Variants in SRRM4 observed in about 807,000 individuals in gnomAD.
The protein encoded by SRRM4 is serine/arginine repetitive matrix 4.
A neutral mutation model predicts 68.9 loss-of-function variants in SRRM4; 33 were observed. The ratio of observed to expected loss-of-function variants is 0.48; its 90% CI spans 0.36 to 0.64. The LOEUF (loss-of-function observed/expected upper bound fraction) is 0.64. Among genes scored for constraint, SRRM4 ranks in the 30% least tolerant of loss-of-function variants. The probability of loss-of-function intolerance (pLI) is 0.00; values close to 1 mark genes in which losing one functional copy is unlikely to be tolerated. For missense variants in SRRM4, 817 were observed against 827.1 expected (o/e 0.99, Z 0.15); for synonymous variants, 318 against 318.8 (o/e 1.00, Z 0.03).
intron 1 of SRRM4, among the ~76,000 whole-genome samples, chr12:118,987,588 C>A (rs531213420): frequency 2.6e-5 from 4 of 152,184 alleles, no homozygotes; most frequent in Admixed American, 2.6e-4. Context: ...ACTTGGCAAG[C>A]AGCTTGACCT....
intron 6 of SRRM4, among the ~76,000 whole-genome samples, chr12:119,124,978 T>C (rs1954247513): frequency 1.3e-5 from 2 of 152,228 alleles, no homozygotes; most frequent in African/African-American, 4.8e-5. Flanking sequence ...CCGGTTGATA[T>C]TATGTTAGTG....
At chr12:119,130,160 GATGA>G (rs1954286592) in intron 7 of SRRM4, among the ~76,000 whole-genome samples, 1 of 151,476 alleles carries the variant, frequency 6.6e-6, no homozygotes, top group Non-Finnish European at 1.5e-5. Context: ...TGGATGGATA[GATGA>G]ATGAATGGTT....
Position 119,161,190 on chromosome 12 carries a change from T to C in SRRM4, c.*4392T>C, listed in dbSNP as rs1008295143. 1 of 152,236 alleles carries C rather than the reference T, an allele frequency of 6.6e-6. No individual in the cohort carries two copies. The highest frequency in any genetic ancestry group is 2.4e-5 in the African/African-American group (1 of 41,466). The allele number at this position is 152,236 out of a possible 1,614,324, so 9.4% of individuals were successfully genotyped here. A position where few individuals can be genotyped will look rare whatever the true frequency, so the allele number is the denominator to read the frequency against. On this transcript the variant is annotated 3_prime_UTR_variant, in exon 13 of 13. Transcript: ENST00000267260. The stretch of plus-strand genomic sequence containing the variant: ...CTTTTCCCCTCTTCTTTTTCACAAA[T>C]GTTCAAAATGGTCTCATGCGCATGT...
chr12:119,125,280 A>G, intron 6 of SRRM4, 101 bp from the exon 7 acceptor site: 1 of 1,048,702 alleles, frequency 9.5e-7, no homozygotes, highest in Non-Finnish European at 1.4e-6. Flanking sequence ...GATGGTGACC[A>G]GTGCAAAGGA....
At chr12:119,050,998 G>A (rs989103168) in intron 1 of SRRM4, among the ~76,000 whole-genome samples, 4 of 152,128 alleles carry the variant, frequency 2.6e-5, no homozygotes, top group African/African-American at 4.8e-5. Context: ...TCATAGAAAG[G>A]TTGCAGAGCC....
intron 1 of SRRM4, among the ~76,000 whole-genome samples, chr12:119,034,725 G>A (rs1594036671): frequency 1.3e-5 from 2 of 152,052 alleles, no homozygotes; most frequent in African/African-American, 2.4e-5. Flanking sequence ...CCTGCAAAAC[G>A]CCCTCTCTGA....
At chr12:119,032,913 G>C (rs993847010) in intron 1 of SRRM4, among the ~76,000 whole-genome samples, 6 of 152,034 alleles carry the variant, frequency 3.9e-5, no homozygotes, top group Non-Finnish European at 8.8e-5. Context: ...AAATTTATCA[G>C]CTAAAAGTTA....
chr12:118,985,358 G>A (rs1953275205), intron 1 of SRRM4, among the ~76,000 whole-genome samples: 1 of 152,194 alleles, frequency 6.6e-6, no homozygotes, highest in South Asian at 2.1e-4. Context: ...CTGTTGGTTT[G>A]TATAGAGAAG....
intron 1 of SRRM4, among the ~76,000 whole-genome samples, chr12:119,010,408 G>A (rs1206014573): frequency 6.6e-6 from 1 of 152,226 alleles, no homozygotes; most frequent in Non-Finnish European, 1.5e-5. Context: ...TTAAGTGGTT[G>A]AAGATGAAAA....
Position 119,156,803 on chromosome 12 carries a change from C to T in SRRM4, c.*5C>T. The T allele has an allele frequency of 6.6e-7, 1 of 1,518,600 alleles. No individual in the cohort carries two copies. 94.1% of individuals were successfully genotyped at this position (1,518,600 alleles called of 1,614,324 possible). On this transcript the variant is annotated 3_prime_UTR_variant, in exon 13 of 13. Transcript: ENST00000267260. ...TACTCCAGCACGAGGCGCTAAGTGC[C>T]CCTGAGCCAGCTGCCCGTGGGGGCC... is the stretch of plus-strand genomic sequence containing the variant.
chr12:119,102,526 C>T (rs1307667244), intron 2 of SRRM4, 144 bp downstream of exon 2: 1 of 679,974 alleles, frequency 1.5e-6, no homozygotes, highest in East Asian at 2.8e-5. Context: ...AGGAACAAAT[C>T]AGAAATATTT....
intron 1 of SRRM4, among the ~76,000 whole-genome samples, chr12:119,085,375 G>A (rs1191004746): frequency 1.3e-5 from 2 of 152,204 alleles, no homozygotes; most frequent in East Asian, 3.8e-4. Flanking sequence ...ATTGCTCAAG[G>A]TCACAGAGTG....
intron 1 of SRRM4, among the ~76,000 whole-genome samples, chr12:119,071,655 A>G (rs1234408235): frequency 6.6e-6 from 1 of 152,048 alleles, no homozygotes; most frequent in African/African-American, 2.4e-5. Context: ...CCTCTCCTTA[A>G]TCAGTCCCCA....
chr12:119,128,562 TCCTGGTGGCCTTTTTCTGGAGGACATTGG>T (rs1954274864), intron 7 of SRRM4, among the ~76,000 whole-genome samples: 1 of 152,212 alleles, frequency 6.6e-6, no homozygotes, highest in Admixed American at 6.5e-5. Flanking sequence ...CCAGGTGGAC[TCCTGGTGGCCTTTTTCTGGAGGACATTGG>T]CCAAATGAGC....
intron 1 of SRRM4, among the ~76,000 whole-genome samples, chr12:119,094,169 G>A (rs1046380479): frequency 7.2e-5 from 11 of 152,092 alleles, no homozygotes; most frequent in African/African-American, 2.2e-4. Flanking sequence ...CTTGCTCTCA[G>A]CCCTGACAAC....
intron 1 of SRRM4, among the ~76,000 whole-genome samples, chr12:118,992,724 A>G (rs1051306597): frequency 9.9e-5 from 15 of 152,184 alleles, no homozygotes; most frequent in African/African-American, 2.9e-4. Context: ...TACTGTCAGG[A>G]TGAGAGGGCA....
chr12:119,101,986 A>G (rs1334353927), intron 1 of SRRM4, among the ~76,000 whole-genome samples: 1 of 152,180 alleles, frequency 6.6e-6, no homozygotes, highest in Admixed American at 6.5e-5. Context: ...CACCTTTCAG[A>G]ATGCGTGGAC....
intron 8 of SRRM4, among the ~76,000 whole-genome samples, chr12:119,132,560 T>A (rs575686733): frequency 2.0e-5 from 3 of 152,216 alleles, no homozygotes; most frequent in Non-Finnish European, 4.4e-5. Context: ...AAGATATGTC[T>A]GTCAAGATGT....
At chr12:119,039,190 C>T (rs1039549188) in intron 1 of SRRM4, among the ~76,000 whole-genome samples, 5 of 152,218 alleles carry the variant, frequency 3.3e-5, no homozygotes, top group African/African-American at 1.2e-4. Flanking sequence ...GGGCTTACCC[C>T]TGCTTTCCTA....
Sources: gnomAD v4.1 joint callset for allele counts (sites outside exome capture counted in the v4.1 genomes callset) on GRCh38, gnomAD v4.1.1 for gene constraint, MANE v1.5 for transcripts, NCBI Gene and HGNC (gene_info 2026-07-23, HGNC 2026-07-21) for gene names.